Variants in SLC5A3 observed in about 807,000 individuals in gnomAD.
SLC5A3 encodes the protein solute carrier family 5 member 3, also known as sodium/myo-inositol cotransporter.
In SLC5A3, 10 loss-of-function variants were observed where a neutral mutation model predicts 43.2. The ratio of observed to expected loss-of-function variants is 0.23; its 90% CI spans 0.14 to 0.39. SLC5A3 has a LOEUF of 0.39. SLC5A3 is among the 10% of genes least tolerant of loss of function. The probability of loss-of-function intolerance (pLI) is 1.00; values close to 1 mark genes in which losing one functional copy is unlikely to be tolerated. For missense variants in SLC5A3, 608 were observed against 893.4 expected, an observed-to-expected ratio of 0.68 and a Z score of 4.07; for synonymous variants, 349 against 322.0, an observed-to-expected ratio of 1.08 and a Z score of -0.90.
intron 1 of SLC5A3, among the ~76,000 whole-genome samples, chr21:34,092,343 G>C (rs111911932): frequency 8.6e-6 from 1 of 116,156 alleles, no homozygotes; most frequent in African/African-American, 3.4e-5. Context: ...CTCTGCATGT[G>C]TTTTGTTTAA....
chr21:34,088,443 C>A (rs1978510547), intron 1 of SLC5A3, among the ~76,000 whole-genome samples: 1 of 152,218 alleles, frequency 6.6e-6, no homozygotes, highest in East Asian at 1.9e-4. Flanking sequence ...CCATACACAT[C>A]CATTCACATG....
chr21:34,077,564 A>G (rs557772542), intron 1 of SLC5A3, among the ~76,000 whole-genome samples: 1 of 152,340 alleles, frequency 6.6e-6, no homozygotes, highest in East Asian at 1.9e-4. Context: ...GTACAATAAG[A>G]TAGCATTTAT....
rs903017893 is a variant in SLC5A3, at chr21:34,100,488, G to A, written c.*3133G>A. On this transcript the variant is annotated 3_prime_UTR_variant, in exon 2 of 2. Transcript: ENST00000381151. ...CAATAGCAATGGTGCTGTGTCCTTC[G>A]GCCTAAATTCAATAGATCTCATCTC... 2.3e-5 allele frequency: 23 copies of A among 999,958 alleles called. No individual in the cohort carries two copies. The highest frequency in any genetic ancestry group is 9.4e-5 in the South Asian group (2 of 21,276). 61.9% of individuals were successfully genotyped at this position (999,958 alleles called of 1,614,324 possible).
intron 1 of SLC5A3, among the ~76,000 whole-genome samples, 162 bp from the exon 2 acceptor site, chr21:34,094,701 T>C (rs941911174): frequency 1.3e-5 from 2 of 151,888 alleles, no homozygotes; most frequent in African/African-American, 4.8e-5. Flanking sequence ...TGTGATCATA[T>C]AGATTGCTCT....
rs1219671638 is a variant in SLC5A3, at chr21:34,097,819, A to T, written c.*464A>T. On this transcript the variant is annotated 3_prime_UTR_variant, in exon 2 of 2. Transcript: ENST00000381151. ...TTAGACATTGTACAATCAGTTATGT[A>T]CTGAAAATCGAATGTGCTTGTGTGA... 2 of 998,898 alleles carry T rather than the reference A, an allele frequency of 2.0e-6. No homozygotes were observed. Among genetic ancestry groups the T allele is most frequent in the Non-Finnish European group, 2.4e-6 (2 of 828,772 alleles). 61.9% of individuals were successfully genotyped at this position (998,898 alleles called of 1,614,324 possible). A position where few individuals can be genotyped will look rare whatever the true frequency, so the allele number is the denominator to read the frequency against.
intron 1 of SLC5A3, among the ~76,000 whole-genome samples, chr21:34,080,934 T>C (rs1049098058): frequency 2.7e-4 from 41 of 152,264 alleles, no homozygotes; most frequent in Non-Finnish European, 2.4e-4. Flanking sequence ...GTTGTGTTGA[T>C]TTCCAAGACT....
At chr21:34,084,959 A>G (rs1989538311) in intron 1 of SLC5A3, among the ~76,000 whole-genome samples, 1 of 152,194 alleles carries the variant, frequency 6.6e-6, no homozygotes, top group South Asian at 2.1e-4. Flanking sequence ...AGTTGCAGAC[A>G]TCTTGACATA....
chr21:34,095,456 C>G lies in SLC5A3; in HGVS notation c.258C>G (p.Ala86=), dbSNP rs760786850. ...GFAVGAWEFN[A]LLLLQLLGWV... is the part of the protein sequence containing the mutation. Reference sequence around the variant, plus strand: ...CAGTGGGCGCATGGGAATTCAATGCCTTACTGCTTTTACAACTTCTGGGAT... The same window carrying G: ...CAGTGGGCGCATGGGAATTCAATGCGTTACTGCTTTTACAACTTCTGGGAT... The change falls in exon 2 of 2, where the codon GCC becomes GCG. Residue 86 remains alanine (A), a synonymous_variant. Coordinates refer to ENST00000381151, the MANE Select transcript of SLC5A3 (RefSeq NM_006933.7). The G allele has an allele frequency of 1.2e-6, 2 of 1,613,948 alleles. No individual in the cohort carries two copies. The highest frequency in any genetic ancestry group is 2.2e-5 in the South Asian group (2 of 91,076).
intron 1 of SLC5A3, among the ~76,000 whole-genome samples, chr21:34,079,085 A>AT (rs1395288277): frequency 6.6e-6 from 1 of 152,224 alleles, no homozygotes; most frequent in Admixed American, 6.5e-5. Context: ...TTGCTTTGAA[A>AT]TTAGAGCAAG....
In SLC5A3 at chr21:34,103,427, T is replaced by C. The variant is rs974268691; in HGVS notation, c.*6072T>C. 5 of 998,298 alleles carry C rather than the reference T, an allele frequency of 5.0e-6. No individual in the cohort carries two copies. In the African/African-American group the frequency reaches 8.7e-5, roughly 17 times the overall value. The allele number at this position is 998,298 out of a possible 1,614,324, so 61.8% of individuals were successfully genotyped here. ...TGTGTTGTAGCCTAAATGTTGTTTC[T>C]TTTATATCCATTAAAAACTTAAAGT... On this transcript the variant is annotated 3_prime_UTR_variant, in exon 2 of 2. Transcript: ENST00000381151.
At chr21:34,077,858 C>T (rs146158005) in intron 1 of SLC5A3, among the ~76,000 whole-genome samples, 4 of 152,254 alleles carry the variant, frequency 2.6e-5, no homozygotes, top group South Asian at 2.1e-4. Flanking sequence ...AAGAGTTTTT[C>T]TCTAAATGCA....
In SLC5A3 at chr21:34,105,596, T is replaced by TGG; in HGVS notation, c.*8245_*8246dup. On this transcript the variant is annotated 3_prime_UTR_variant, in exon 2 of 2. Coordinates refer to ENST00000381151, the MANE Select transcript of SLC5A3 (RefSeq NM_006933.7). The stretch of plus-strand genomic sequence containing the variant: ...TTTTGTAAGAGACCAGTTAGTACAC[T>TGG]GGGGGTGTATATTGTGTACATGTGT... 1.0e-6 allele frequency: 1 copy of TGG among 1,000,000 alleles called. No individual in the cohort carries two copies. Among genetic ancestry groups the TGG allele is most frequent in the Non-Finnish European group, 1.2e-6 (1 of 829,758 alleles). 61.9% of individuals were successfully genotyped at this position (1,000,000 alleles called of 1,614,324 possible).
rs7276680 is a variant in SLC5A3, at chr21:34,075,931, A to G, written c.-337+2186A>G. On this transcript the variant is annotated intron_variant, in intron 1 of 1. Transcript: ENST00000381151. ...CTTGCACACCGGTAGCAGGCCTTGG[A>G]GAAACCACAGTTCTAACCCGAGGCA... 8.2e-3 allele frequency among the ~76,000 whole-genome samples: 1,249 copies of G among 152,350 alleles called. 16 individuals are homozygous for G. Among genetic ancestry groups the G allele is most frequent in the African/African-American group, 0.029 (1,200 of 41,574 alleles).
At chr21:34,084,623 C>A (rs1229789962) in intron 1 of SLC5A3, among the ~76,000 whole-genome samples, 2 of 152,160 alleles carry the variant, frequency 1.3e-5, no homozygotes, top group Non-Finnish European at 2.9e-5. Context: ...CCTCAGCCAT[C>A]TAAGGTTAGG....
intron 1 of SLC5A3, among the ~76,000 whole-genome samples, chr21:34,083,892 A>G (rs1401172688): frequency 6.6e-6 from 1 of 152,176 alleles, no homozygotes; most frequent in Non-Finnish European, 1.5e-5. Flanking sequence ...AACTATTGAT[A>G]ATTTCAAGAT....
chr21:34,079,807 C>T (rs1277423009), intron 1 of SLC5A3, among the ~76,000 whole-genome samples: 1 of 151,866 alleles, frequency 6.6e-6, no homozygotes, highest in Non-Finnish European at 1.5e-5. Flanking sequence ...ACAACTCTGG[C>T]ATTTTCTGTT....
chr21:34,098,963 T>A lies in SLC5A3; in HGVS notation c.*1608T>A, dbSNP rs1278230845. 1.8e-5 allele frequency: 18 copies of A among 987,084 alleles called. No homozygotes were observed. The highest frequency in any genetic ancestry group is 6.1e-6 in the Non-Finnish European group (5 of 818,074). The allele number at this position is 987,084 out of a possible 1,614,324, so 61.1% of individuals were successfully genotyped here. On this transcript the variant is annotated 3_prime_UTR_variant, in exon 2 of 2. Transcript: ENST00000381151. ...TATTTAGGGAAATTACTTTCATAAATACTTTTGTAGATTTTGAATCAAAAC... is the reference window on the plus strand; with the variant it reads ...TATTTAGGGAAATTACTTTCATAAAAACTTTTGTAGATTTTGAATCAAAAC...
At position 34,096,358 on chromosome 21, in the gene SLC5A3, G is replaced by A; in HGVS notation, c.1160G>A (p.Ser387Asn). 1 of 1,614,160 alleles carries A rather than the reference G, an allele frequency of 6.2e-7. No homozygotes were observed. Among genetic ancestry groups the A allele is most frequent in the Non-Finnish European group, 8.5e-7 (1 of 1,180,024 alleles). ...TTAGACTCTATCTTTAACAGTGCCA[G>A]TACCATATTCACCCTCGATGTGTAC... ...SDLDSIFNSA[S>N]TIFTLDVYKL... The change falls in exon 2 of 2, where the codon AGT becomes AAT. Residue 387 changes from serine (S) to asparagine (N), a missense_variant. Transcript: ENST00000381151. The surrounding 1 kb of genome is among the most constrained non-coding windows in gnomAD (Gnocchi z 5.9).
Position 34,096,671 on chromosome 21 carries a change from C to T in SLC5A3, c.1473C>T (p.Tyr491=). The change falls in exon 2 of 2, where the codon TAC becomes TAT. Residue 491 remains tyrosine, a synonymous_variant. Coordinates refer to ENST00000381151, the MANE Select transcript of SLC5A3 (RefSeq NM_006933.7). The surrounding 1 kb of genome is among the most constrained non-coding windows in gnomAD (Gnocchi z 5.9). ...TCCGTTTGATACTGGCCTTTGCCTA[C>T]CGTGCCCCAGAATGTGACCAACCTG... ...GAVRLILAFA[Y]RAPECDQPDN... is the part of the protein sequence containing the mutation. 1 of 1,614,156 alleles carries T rather than the reference C, an allele frequency of 6.2e-7. No individual in the cohort carries two copies.
Sources: allele counts gnomAD v4.1 joint callset (sites outside exome capture counted in the v4.1 genomes callset), GRCh38; gene constraint gnomAD v4.1.1; non-coding constraint Gnocchi (gnomAD v3.1); transcripts MANE v1.5; gene names NCBI Gene and HGNC (gene_info 2026-07-23, HGNC 2026-07-21).